CRACR2A: variants seen among roughly 807,000 people sequenced by gnomAD.
The protein encoded by CRACR2A is EF-hand calcium-binding domain-containing protein 4B.
A neutral mutation model predicts 90.5 loss-of-function variants in CRACR2A; 79 were observed. The observed-to-expected ratio is 0.87, with a 90% CI of 0.73 to 1.05. The LOEUF (loss-of-function observed/expected upper bound fraction) is 1.05. CRACR2A is among the 50% of genes least tolerant of loss of function. The pLI, the probability that CRACR2A is intolerant of heterozygous loss-of-function variation, is 0.00. For missense variants in CRACR2A, 823 were observed against 897.2 expected (o/e 0.92, Z 1.06); for synonymous variants, 338 against 356.7 (o/e 0.95, Z 0.59).
intron 10 of CRACR2A, 106 bp downstream of exon 10, chr12:3,654,106 T>C: frequency 1.5e-6 from 2 of 1,367,586 alleles, no homozygotes; most frequent in Non-Finnish European, 2.0e-6. Context: ...GCCCAAATCC[T>C]CTTTTCACAG....
At chr12:3,663,501 T>C (rs757512357) in intron 7 of CRACR2A, among the ~76,000 whole-genome samples, 22 of 152,334 alleles carry the variant, frequency 1.4e-4, no homozygotes, top group Admixed American at 9.1e-4. Context: ...AAGCCTTTCA[T>C]GTATTTCAGA....
intron 7 of CRACR2A, among the ~76,000 whole-genome samples, chr12:3,660,401 C>G (rs1370604868): frequency 6.6e-6 from 1 of 152,030 alleles, no homozygotes; most frequent in African/African-American, 2.4e-5. Context: ...CCCCACTCTC[C>G]TTCTCAGCAT....
At chr12:3,720,937 C>T (rs932335690) in intron 2 of CRACR2A, among the ~76,000 whole-genome samples, 1 of 152,192 alleles carries the variant, frequency 6.6e-6, no homozygotes, top group Non-Finnish European at 1.5e-5. Flanking sequence ...TCCAACACAA[C>T]CCCATGCAGG....
At chr12:3,636,727 T>C (rs1355445910) in intron 14 of CRACR2A, among the ~76,000 whole-genome samples, 1 of 152,180 alleles carries the variant, frequency 6.6e-6, no homozygotes, top group Non-Finnish European at 1.5e-5. Context: ...TGGAAGGGCA[T>C]GCAGGAGGGA....
intron 4 of CRACR2A, among the ~76,000 whole-genome samples, chr12:3,684,667 T>A (rs1462493606): frequency 6.6e-6 from 1 of 152,236 alleles, no homozygotes; most frequent in Non-Finnish European, 1.5e-5. Flanking sequence ...TGCAGGCGTA[T>A]AATTCCACTT....
At chr12:3,650,483 A>G (rs898095105) in intron 10 of CRACR2A, among the ~76,000 whole-genome samples, 1 of 152,182 alleles carries the variant, frequency 6.6e-6, no homozygotes, top group East Asian at 1.9e-4. Flanking sequence ...TTTCAACTTG[A>G]AGTAAAACAA....
intron 2 of CRACR2A, chr12:3,726,251 T>C (rs1327948632): frequency 3.3e-5 from 5 of 152,166 alleles, no homozygotes; most frequent in Admixed American, 3.3e-4. Context: ...ACACTTGGCA[T>C]GTCATCTTGT....
chr12:3,705,156 G>A (rs570958527), intron 3 of CRACR2A, among the ~76,000 whole-genome samples: 1 of 152,254 alleles, frequency 6.6e-6, no homozygotes, highest in Non-Finnish European at 1.5e-5. Flanking sequence ...AAGGCAAAGG[G>A]AAAAGACCAC....
chr12:3,748,144 G>A (rs947688029), intron 1 of CRACR2A, among the ~76,000 whole-genome samples: 41 of 152,192 alleles, frequency 2.7e-4, no homozygotes, highest in Admixed American at 2.4e-3. Flanking sequence ...GGTAAAACAC[G>A]GTTTCCACTT....
At chr12:3,681,364 C>T (rs1010129011) in intron 4 of CRACR2A, among the ~76,000 whole-genome samples, 5 of 152,174 alleles carry the variant, frequency 3.3e-5, no homozygotes, top group African/African-American at 9.7e-5. Flanking sequence ...AGGAGGTTAT[C>T]GCTGGATTTG....
chr12:3,730,100 A>T (rs1215376169), intron 2 of CRACR2A: 1 of 152,160 alleles, frequency 6.6e-6, no homozygotes, highest in African/African-American at 2.4e-5. Context: ...GATTAACAGA[A>T]ATGGGCCGAG....
intron 3 of CRACR2A, among the ~76,000 whole-genome samples, chr12:3,705,609 AACAGCAGT>A (rs960535139): frequency 6.6e-6 from 1 of 152,200 alleles, no homozygotes; most frequent in Non-Finnish European, 1.5e-5. Context: ...ATCCTCCATA[AACAGCAGT>A]ACCTGGAAGC....
chr12:3,691,289 T>C (rs1022377985), intron 4 of CRACR2A, among the ~76,000 whole-genome samples: 9 of 152,248 alleles, frequency 5.9e-5, no homozygotes, highest in African/African-American at 2.2e-4. Context: ...TAACAGTCTC[T>C]CCTTTCATAT....
intron 1 of CRACR2A, among the ~76,000 whole-genome samples, chr12:3,751,256 T>G (rs1213382261): frequency 6.6e-6 from 1 of 152,152 alleles, no homozygotes; most frequent in Non-Finnish European, 1.5e-5. Flanking sequence ...ACATGGCAGA[T>G]GACTTTTCCC....
intron 2 of CRACR2A, chr12:3,728,524 T>A (rs945807545): frequency 9.9e-5 from 15 of 152,248 alleles, no homozygotes; most frequent in African/African-American, 3.6e-4. Context: ...GTTGCTGAGG[T>A]GTGACTTCAG....
At chr12:3,629,393 TGA>T (rs60827326) in intron 15 of CRACR2A, among the ~76,000 whole-genome samples, 4,958 of 152,142 alleles carry the variant, frequency 0.033, 112 homozygotes, top group Middle Eastern at 0.065. Flanking sequence ...AATCCAAGGG[TGA>T]GTTTTCTTCC....
intron 3 of CRACR2A, among the ~76,000 whole-genome samples, chr12:3,707,028 C>T (rs1311654334): frequency 6.6e-6 from 1 of 152,074 alleles, no homozygotes; most frequent in East Asian, 1.9e-4. Flanking sequence ...GAGAAACAAC[C>T]AAGAGGTCCA....
chr12:3,688,132 G>A (rs2137657060), intron 4 of CRACR2A, among the ~76,000 whole-genome samples: 1 of 152,290 alleles, frequency 6.6e-6, no homozygotes, highest in Admixed American at 6.5e-5. Flanking sequence ...CTCCCATTCT[G>A]TAGGTTGTCT....
chr12:3,714,267 T>G (rs575895730), intron 2 of CRACR2A, among the ~76,000 whole-genome samples: 19 of 152,364 alleles, frequency 1.2e-4, no homozygotes, highest in African/African-American at 4.1e-4. Flanking sequence ...AGCAAGGTAT[T>G]GTCCTTGTGG....
Sources: allele counts gnomAD v4.1 joint callset (sites outside exome capture counted in the v4.1 genomes callset), GRCh38; gene constraint gnomAD v4.1.1; transcripts MANE v1.5; gene names NCBI Gene and HGNC (gene_info 2026-07-23, HGNC 2026-07-21).